The following RAB35 variants were observed in gnomAD, a reference collection of about 807,000 sequenced individuals.
RAB35 encodes the protein RAB35, member RAS oncogene family, also known as ras-related protein Rab-35.
A neutral mutation model predicts 28.9 loss-of-function variants in RAB35; 4 were observed. The ratio of observed to expected loss-of-function variants is 0.14; its 90% confidence interval spans 0.07 to 0.32. RAB35 has a LOEUF of 0.32. Ranked by LOEUF, RAB35 falls within the 10% of genes least tolerant of loss-of-function variation. RAB35 has a pLI of 1.00. For synonymous variants in RAB35, 99 were observed against 105.1 expected, an observed-to-expected ratio of 0.94 and a Z score of 0.35; for missense variants, 128 against 274.0, an observed-to-expected ratio of 0.47 and a Z score of 3.76.
chr12:120,104,616 T>A (rs1016264466), intron 2 of RAB35, among the ~76,000 whole-genome samples: 4 of 152,040 alleles, frequency 2.6e-5, no homozygotes, highest in African/African-American at 4.8e-5. Context: ...TTTAAATAGC[T>A]CTCTTGCAGC....
chr12:120,101,421 G>A (rs908580616), intron 3 of RAB35, among the ~76,000 whole-genome samples: 1 of 152,126 alleles, frequency 6.6e-6, no homozygotes, highest in Non-Finnish European at 1.5e-5. Flanking sequence ...CACCTCTCAG[G>A]GCCGGCAAAC....
intron 5 of RAB35, 56 bp from the exon 6 acceptor site, chr12:120,097,429 G>A (rs183521275): frequency 6.8e-7 from 1 of 1,464,672 alleles, no homozygotes; most frequent in Non-Finnish European, 9.3e-7. Flanking sequence ...GGCCCCTGCT[G>A]GCCTGCACGG....
intron 1 of RAB35, 184 bp from the exon 2 acceptor site, chr12:120,108,651 G>C: frequency 4.3e-6 from 3 of 701,464 alleles, no homozygotes; most frequent in South Asian, 1.5e-5. Context: ...TCTTCCACTC[G>C]ATCCCTGACC....
intron 1 of RAB35, among the ~76,000 whole-genome samples, chr12:120,114,842 G>A (rs1876264665): frequency 6.6e-6 from 1 of 152,248 alleles, no homozygotes; most frequent in Non-Finnish European, 1.5e-5. Context: ...GCTTTTCACT[G>A]TTGGATATCA....
chr12:120,116,566 G>A lies in RAB35; in HGVS notation c.52+33C>T, dbSNP rs984471968. ...GCCCCCGCGGGCCGCGCCCGGCAGGGCCCGCGCCGCCTCCGGCCGCTGCGG... is the reference window on the plus strand; with the variant it reads ...GCCCCCGCGGGCCGCGCCCGGCAGGACCCGCGCCGCCTCCGGCCGCTGCGG... On this transcript the variant is annotated intron_variant, in intron 1 of 5. Transcript: ENST00000229340. 6 of 1,110,548 alleles carry A rather than the reference G, an allele frequency of 5.4e-6. No homozygotes were observed. The African/African-American group carries it at 6.7e-5, about 12-fold the overall frequency. The allele number at this position is 1,110,548 out of a possible 1,614,324, so 68.8% of individuals were successfully genotyped here. A position where few individuals can be genotyped will look rare whatever the true frequency, so the allele number is the denominator to read the frequency against.
intron 5 of RAB35, among the ~76,000 whole-genome samples, chr12:120,098,394 G>A (rs1422809646): frequency 6.6e-6 from 1 of 152,234 alleles, no homozygotes; most frequent in Non-Finnish European, 1.5e-5. Context: ...GCCTGTGCCC[G>A]CTGCTGTGTG....
chr12:120,098,130 C>T (rs182682166), intron 5 of RAB35, among the ~76,000 whole-genome samples: 46 of 152,304 alleles, frequency 3.0e-4, no homozygotes, highest in African/African-American at 9.1e-4. Flanking sequence ...GTGATCCGCC[C>T]GCCTCGGCCT....
chr12:120,104,315 T>C (rs1262681720), intron 2 of RAB35, among the ~76,000 whole-genome samples: 8 of 152,244 alleles, frequency 5.3e-5, no homozygotes, highest in African/African-American at 1.9e-4. Flanking sequence ...ACTCTGGGTT[T>C]TTCTTTTCTA....
chr12:120,104,076 T>C, intron 2 of RAB35, 127 bp from the exon 3 acceptor site: 1 of 1,300,058 alleles, frequency 7.7e-7, no homozygotes, highest in African/African-American at 1.5e-5. Flanking sequence ...TGGTACATTC[T>C]AGGTCCCAGG....
intron 2 of RAB35, among the ~76,000 whole-genome samples, chr12:120,107,866 C>CAAAAAAAAAAAAAAAAAAAAAAAAAAA (rs57274207): frequency 3.1e-5 from 1 of 31,976 alleles, no homozygotes; most frequent in African/African-American, 9.4e-5. Flanking sequence ...GACTCCATCT[C>CAAAAAAAAAAAAAAAAAAAAAAAAAAA]AAAAAAAAAA....
chr12:120,109,408 A>G lies in RAB35; in HGVS notation c.53-941T>C, dbSNP rs185421709. Among the ~76,000 whole-genome samples, 625 of 152,082 alleles carry G rather than the reference A, an allele frequency of 4.1e-3. 3 individuals are homozygous for G. The highest frequency in any genetic ancestry group is 0.013 in the African/African-American group (537 of 41,492). On this transcript the variant is annotated intron_variant, in intron 1 of 5. Transcript: ENST00000229340. ...GCGGAGGTTGCAGTGAGCTGAGATC[A>G]TGCCACTGCACTCCAGCCTGGGCAA...
At chr12:120,116,469 C>G (rs1321407783) in intron 1 of RAB35, 130 bp downstream of exon 1, 1 of 618,158 alleles carries the variant, frequency 1.6e-6, no homozygotes, top group Admixed American at 6.4e-5. Context: ...CCCCTGGGGC[C>G]CAGACCGCCG....
At chr12:120,111,810 T>C (rs73410870) in intron 1 of RAB35, among the ~76,000 whole-genome samples, 2,691 of 151,864 alleles carry the variant, frequency 0.018, 78 homozygotes, top group African/African-American at 0.061. Flanking sequence ...CAAGAAACAC[T>C]ACCTCCTAAA....
In RAB35 at chr12:120,103,933, C is replaced by G. The variant is rs372699146; in HGVS notation, c.120G>C (p.Thr40=). ...TCCGGATCTTGAAATCCACTCCGATCGTGGTGATGTAGCTGCCTGCACACA... is the reference window on the plus strand; with the variant it reads ...TCCGGATCTTGAAATCCACTCCGATGGTGGTGATGTAGCTGCCTGCACACA... The part of the protein sequence containing the change: ...DNTFSGSYIT[T]IGVDFKIRTV... Residue 40 remains threonine, a synonymous_variant, in exon 3 of 6, where the codon ACG becomes ACC. Coordinates refer to ENST00000229340, the MANE Select transcript of RAB35 (RefSeq NM_006861.7). This position sits in a 1 kb window ranked among gnomAD's most constrained non-coding sequence, Gnocchi z 6.1. 6.2e-7 allele frequency: 1 copy of G among 1,614,056 alleles called. No individual in the cohort carries two copies. The highest frequency in any genetic ancestry group is 1.7e-5 in the Admixed American group (1 of 60,008).
In RAB35 at chr12:120,097,474, AC is replaced by A; in HGVS notation, c.478-102del. ...CGCCTTCCGGGGCCCAGCTCTTTCT[AC>A]CTGTGCATTTTTGGTATGTATGTCT... is the stretch of plus-strand genomic sequence containing the variant. On this transcript the variant is annotated intron_variant, in intron 5 of 5. Transcript: ENST00000229340. 4.4e-6 allele frequency: 4 copies of A among 909,766 alleles called. No individual in the cohort carries two copies. In the Middle Eastern group the frequency reaches 1.1e-3, roughly 244 times the overall value. The allele number at this position is 909,766 out of a possible 1,614,324, so 56.4% of individuals were successfully genotyped here.
Position 120,116,663 on chromosome 12 carries a change from C to A in RAB35, c.-13G>T. On this transcript the variant is annotated 5_prime_UTR_variant, in exon 1 of 6. Coordinates refer to ENST00000229340, the MANE Select transcript of RAB35 (RefSeq NM_006861.7). Reference sequence around the variant, plus strand: ...AGTCCCGGGCCATGGCGGGCGGGGGCGGTGCGCGCGGGCGGGCGGGGTCGG... The same window carrying A: ...AGTCCCGGGCCATGGCGGGCGGGGGAGGTGCGCGCGGGCGGGCGGGGTCGG... 1 of 1,222,774 alleles carries A rather than the reference C, an allele frequency of 8.2e-7. No individual in the cohort carries two copies. Among genetic ancestry groups the A allele is most frequent in the Non-Finnish European group, 1.0e-6 (1 of 981,952 alleles). 75.7% of individuals were successfully genotyped at this position (1,222,774 alleles called of 1,614,324 possible).
chr12:120,099,495 C>T (rs117005478), intron 3 of RAB35: 10,362 of 346,148 alleles, frequency 0.03, 209 homozygotes, highest in Non-Finnish European at 0.042. Flanking sequence ...GGAAATCAGG[C>T]AGTTTTTGTA....
In RAB35 at chr12:120,096,652, G is replaced by A; in HGVS notation, c.*593C>T. 7.8e-7 allele frequency: 1 copy of A among 1,289,896 alleles called. No homozygotes were observed. Among genetic ancestry groups the A allele is most frequent in the Non-Finnish European group, 1.0e-6 (1 of 988,892 alleles). The allele number at this position is 1,289,896 out of a possible 1,614,324, so 79.9% of individuals were successfully genotyped here. A position where few individuals can be genotyped will look rare whatever the true frequency, so the allele number is the denominator to read the frequency against. On this transcript the variant is annotated 3_prime_UTR_variant, in exon 6 of 6. Coordinates refer to ENST00000229340, the MANE Select transcript of RAB35 (RefSeq NM_006861.7). ...ACCAGGTTCCCCAGCTCCCAGAATGGCTGTGGGGACAGGACAACGGGGAGG... is the reference window on the plus strand; with the variant it reads ...ACCAGGTTCCCCAGCTCCCAGAATGACTGTGGGGACAGGACAACGGGGAGG...
chr12:120,116,308 G>T (rs548592850), intron 1 of RAB35, among the ~76,000 whole-genome samples: 2 of 152,090 alleles, frequency 1.3e-5, no homozygotes, highest in Non-Finnish European at 2.9e-5. Context: ...CCTGAGACTC[G>T]AACCCACGTC....
Sources: allele counts gnomAD v4.1 joint callset (sites outside exome capture counted in the v4.1 genomes callset), GRCh38; gene constraint gnomAD v4.1.1; non-coding constraint Gnocchi (gnomAD v3.1); transcripts MANE v1.5; gene names NCBI Gene and HGNC (gene_info 2026-07-23, HGNC 2026-07-21).